Variants in GOLM2 observed in about 807,000 individuals in gnomAD.
GOLM2 encodes the protein protein GOLM2.
In GOLM2, 26 loss-of-function variants were observed where a neutral mutation model predicts 55.9. The ratio of observed to expected loss-of-function variants is 0.47; its 90% CI spans 0.34 to 0.65. The LOEUF (loss-of-function observed/expected upper bound fraction) is 0.65, where lower values mean the gene tolerates loss of function less well. Ranked by LOEUF, GOLM2 falls within the 30% of genes least tolerant of loss-of-function variation. The pLI is 0.01. For synonymous variants in GOLM2, 165 were observed against 194.6 expected (o/e 0.85, Z 1.27); for missense variants, 486 against 531.8 (o/e 0.91, Z 0.85).
At chr15:44,306,395 G>C (rs2078837522) in intron 1 of GOLM2, among the ~76,000 whole-genome samples, 1 of 152,020 alleles carries the variant, frequency 6.6e-6, no homozygotes, top group African/African-American at 2.4e-5. Flanking sequence ...TAGAATTGAA[G>C]AGAGTTAAGT....
intron 8 of GOLM2, chr15:44,382,201 T>A (rs777295700): frequency 5.3e-5 from 8 of 152,182 alleles, no homozygotes; most frequent in Non-Finnish European, 1.0e-4. Context: ...TCCTCAAAAT[T>A]GGGTTGGGGG....
chr15:44,375,945 A>C (rs1488720900), intron 6 of GOLM2, among the ~76,000 whole-genome samples: 1 of 152,178 alleles, frequency 6.6e-6, no homozygotes, highest in Non-Finnish European at 1.5e-5. Flanking sequence ...ATACAAAGAT[A>C]TATATGTTGG....
chr15:44,401,738 G>C (rs2079566343), intron 8 of GOLM2, among the ~76,000 whole-genome samples: 1 of 151,822 alleles, frequency 6.6e-6, no homozygotes, highest in Non-Finnish European at 1.5e-5. Flanking sequence ...TTCTAAATCA[G>C]ATCCTAGTGT....
intron 3 of GOLM2, 37 bp downstream of exon 3, chr15:44,328,824 A>G: frequency 7.4e-7 from 1 of 1,357,874 alleles, no homozygotes; most frequent in Non-Finnish European, 1.0e-6. Flanking sequence ...TATGAATCTA[A>G]AATATTTGTC....
At chr15:44,323,846 TG>T (rs2141132100) in intron 2 of GOLM2, among the ~76,000 whole-genome samples, 1 of 152,338 alleles carries the variant, frequency 6.6e-6, no homozygotes, top group Admixed American at 6.5e-5. Context: ...CAACCTTAGC[TG>T]GCTTTGTAAT....
At chr15:44,400,310 C>T (rs925152095) in intron 8 of GOLM2, among the ~76,000 whole-genome samples, 1 of 151,712 alleles carries the variant, frequency 6.6e-6, no homozygotes, top group Admixed American at 6.6e-5. Flanking sequence ...GTTGTCCCCA[C>T]ACCCTCCCTT....
chr15:44,372,335 T>C lies in GOLM2; in HGVS notation c.803-7355T>C, dbSNP rs576941617. On this transcript the variant is annotated intron_variant, in intron 6 of 9. Transcript: ENST00000299957. ...CTCTATAGCCATAGGCACTGGATCA[T>C]GAAGTCCTGTTAGTCAGGAAATTGG... Among the ~76,000 whole-genome samples the C allele has an allele frequency of 4.0e-5, 6 of 151,144 alleles. No homozygotes were observed. The East Asian group carries it at 1.1e-3, about 26-fold the overall frequency.
chr15:44,329,465 T>C (rs1381747202), intron 3 of GOLM2, among the ~76,000 whole-genome samples: 1 of 152,238 alleles, frequency 6.6e-6, no homozygotes, highest in Non-Finnish European at 1.5e-5. Flanking sequence ...CAGTATTCAG[T>C]ATTTTTCTGC....
intron 6 of GOLM2, among the ~76,000 whole-genome samples, chr15:44,357,246 T>C (rs1021240499): frequency 1.3e-5 from 2 of 151,940 alleles, no homozygotes; most frequent in African/African-American, 2.4e-5. Context: ...GCAAATCTGG[T>C]TTAATATTAA....
At chr15:44,363,038 C>G (rs1454585031) in intron 6 of GOLM2, among the ~76,000 whole-genome samples, 1 of 152,082 alleles carries the variant, frequency 6.6e-6, no homozygotes. Context: ...ATACAAAAAT[C>G]AATTCAAGAT....
chr15:44,392,216 A>G (rs1309803876), intron 8 of GOLM2, among the ~76,000 whole-genome samples: 1 of 152,150 alleles, frequency 6.6e-6, no homozygotes, highest in Non-Finnish European at 1.5e-5. Flanking sequence ...ATTGAAAAGG[A>G]AAAAAACACT....
At chr15:44,376,851 C>T (rs762385483) in intron 6 of GOLM2, among the ~76,000 whole-genome samples, 1 of 152,048 alleles carries the variant, frequency 6.6e-6, no homozygotes, top group African/African-American at 2.4e-5. Flanking sequence ...GGGAAGCCCT[C>T]TAACTATTCT....
intron 6 of GOLM2, among the ~76,000 whole-genome samples, chr15:44,369,066 A>ATTAT (rs1357848561): frequency 3.8e-4 from 23 of 60,078 alleles, no homozygotes; most frequent in Non-Finnish European, 6.8e-4. Context: ...AATAGGATAT[A>ATTAT]TTATATATAT....
At chr15:44,365,553 T>C (rs1482389416) in intron 6 of GOLM2, among the ~76,000 whole-genome samples, 1 of 151,988 alleles carries the variant, frequency 6.6e-6, no homozygotes, top group Non-Finnish European at 1.5e-5. Context: ...ATTAAATGCA[T>C]ATTACTAAAT....
chr15:44,341,932 G>A (rs1487789944), intron 6 of GOLM2, among the ~76,000 whole-genome samples: 2 of 151,802 alleles, frequency 1.3e-5, no homozygotes, highest in Admixed American at 6.6e-5. Context: ...TCCTGACCTC[G>A]TGATCCACCT....
At chr15:44,318,514 GC>G (rs1426000407) in intron 1 of GOLM2, among the ~76,000 whole-genome samples, 1 of 152,198 alleles carries the variant, frequency 6.6e-6, no homozygotes, top group Non-Finnish European at 1.5e-5. Flanking sequence ...TTTGAGACCA[GC>G]CTGATCAATG....
intron 1 of GOLM2, among the ~76,000 whole-genome samples, chr15:44,300,325 G>C (rs975847050): frequency 6.6e-6 from 1 of 152,116 alleles, no homozygotes; most frequent in Non-Finnish European, 1.5e-5. Flanking sequence ...TATTAATTCA[G>C]TTGACAAAAA....
chr15:44,412,263 T>C (rs776070370), intron 9 of GOLM2, among the ~76,000 whole-genome samples: 2 of 152,174 alleles, frequency 1.3e-5, no homozygotes, highest in Non-Finnish European at 2.9e-5. Context: ...GGATTGCTAT[T>C]GGCAGGTAAA....
chr15:44,302,886 C>T (rs1377299374), intron 1 of GOLM2, among the ~76,000 whole-genome samples: 3 of 152,012 alleles, frequency 2.0e-5, no homozygotes, highest in East Asian at 3.9e-4. Context: ...GGGCGTATCA[C>T]GAGGTCCAGA....
Sources: allele counts gnomAD v4.1 joint callset (sites outside exome capture counted in the v4.1 genomes callset), GRCh38; gene constraint gnomAD v4.1.1; transcripts MANE v1.5; gene names NCBI Gene and HGNC (gene_info 2026-07-23, HGNC 2026-07-21).